The following DNER variants were observed in gnomAD, a reference collection of about 807,000 sequenced individuals.
The protein encoded by DNER is delta/notch like EGF repeat containing.
A neutral mutation model predicts 78.2 loss-of-function variants in DNER; 33 were observed. That is an observed-to-expected ratio of 0.42 (90% CI 0.32 to 0.56). The LOEUF is 0.56. Among genes scored for constraint, DNER ranks in the 20% least tolerant of loss-of-function variants. DNER has a pLI of 0.11. For synonymous variants in DNER, 417 were observed against 384.8 expected (o/e 1.08, Z -0.98); for missense variants, 918 against 975.3 (o/e 0.94, Z 0.78).
intron 4 of DNER, among the ~76,000 whole-genome samples, chr2:229,583,000 T>C (rs1697431052): frequency 6.6e-6 from 1 of 152,162 alleles, no homozygotes; most frequent in African/African-American, 2.4e-5. Context: ...CCAAAGATAA[T>C]TTTTTCCACA....
At chr2:229,566,444 C>G (rs1449283540) in intron 4 of DNER, among the ~76,000 whole-genome samples, 1 of 152,116 alleles carries the variant, frequency 6.6e-6, no homozygotes, top group Non-Finnish European at 1.5e-5. Context: ...ATAGAACTAA[C>G]CAATGTATTG....
chr2:229,462,694 G>A (rs554805126), intron 7 of DNER, among the ~76,000 whole-genome samples: 1 of 152,190 alleles, frequency 6.6e-6, no homozygotes, highest in South Asian at 2.1e-4. Flanking sequence ...TTCTTAAAAT[G>A]TTAATATTAT....
At chr2:229,632,693 G>A (rs911525375) in intron 1 of DNER, among the ~76,000 whole-genome samples, 3 of 152,120 alleles carry the variant, frequency 2.0e-5, no homozygotes, top group Non-Finnish European at 4.4e-5. Flanking sequence ...TGTTAACATA[G>A]GTAGTCCAGA....
intron 12 of DNER, among the ~76,000 whole-genome samples, chr2:229,362,214 A>C (rs887947489): frequency 6.6e-6 from 1 of 152,136 alleles, no homozygotes; most frequent in Non-Finnish European, 1.5e-5. Flanking sequence ...TCACTGATTG[A>C]TCATCTCATC....
chr2:229,368,056 G>GC (rs1354120985), intron 11 of DNER, among the ~76,000 whole-genome samples: 1 of 151,894 alleles, frequency 6.6e-6, no homozygotes. Context: ...TTTTCAGATA[G>GC]TTTTTTAAAA....
chr2:229,639,379 T>C (rs1465730233), intron 1 of DNER, among the ~76,000 whole-genome samples: 2 of 152,054 alleles, frequency 1.3e-5, no homozygotes, highest in East Asian at 3.9e-4. Flanking sequence ...CTCAGCCTCC[T>C]GAGTAGCTGG....
rs117337613 is a variant in DNER, at chr2:229,484,025, T to C, written c.1148-6772A>G. Among the ~76,000 whole-genome samples the C allele has an allele frequency of 1.3e-3, 196 of 151,958 alleles. 5 individuals carry two copies. The East Asian group carries it at 0.033, about 26-fold the overall frequency. ...TTGGTTTCCTTCCGAGAACATAAAC[T>C]CCCTGAGAATCAGGACTTTCTCTGC... On this transcript the variant is annotated intron_variant, in intron 6 of 12. Transcript: ENST00000341772.
chr2:229,684,161 A>AGTGTGTGTGT (rs1559208329), intron 1 of DNER, among the ~76,000 whole-genome samples: 1 of 135,250 alleles, frequency 7.4e-6, no homozygotes, highest in African/African-American at 2.9e-5. Context: ...AGAGAGAGAG[A>AGTGTGTGTGT]GAGAGAGAGT....
chr2:229,377,131 GTTTCATTAACC>G (rs1309691929), intron 11 of DNER, among the ~76,000 whole-genome samples: 2 of 152,088 alleles, frequency 1.3e-5, no homozygotes, highest in Admixed American at 6.5e-5. Flanking sequence ...GGCAGGGTAT[GTTTCATTAACC>G]TTTATATTCC....
intron 6 of DNER, among the ~76,000 whole-genome samples, chr2:229,484,451 G>T (rs569598861): frequency 2.6e-5 from 4 of 152,130 alleles, no homozygotes; most frequent in East Asian, 1.9e-4. Context: ...TCTGAACTTC[G>T]ATCTTGTTTC....
chr2:229,643,742 G>T (rs1698667806), intron 1 of DNER, among the ~76,000 whole-genome samples: 1 of 152,162 alleles, frequency 6.6e-6, no homozygotes. Flanking sequence ...GTTGACTTAT[G>T]TTATCACAAT....
chr2:229,455,341 C>T (rs1380383931), intron 7 of DNER, among the ~76,000 whole-genome samples: 1 of 152,086 alleles, frequency 6.6e-6, no homozygotes, highest in African/African-American at 2.4e-5. Flanking sequence ...GGTGTTGGCT[C>T]CTACCATGAA....
chr2:229,412,242 A>T (rs1693538857), intron 9 of DNER, among the ~76,000 whole-genome samples: 1 of 152,236 alleles, frequency 6.6e-6, no homozygotes, highest in East Asian at 1.9e-4. Flanking sequence ...GACGGGTTAC[A>T]CAGAGGTCCT....
At chr2:229,558,244 G>A (rs992171418) in intron 4 of DNER, among the ~76,000 whole-genome samples, 5 of 152,058 alleles carry the variant, frequency 3.3e-5, no homozygotes, top group Admixed American at 1.3e-4. Flanking sequence ...GAGGGTAGGA[G>A]GAGAGAGAGG....
chr2:229,602,448 C>T (rs1476899712), intron 1 of DNER, among the ~76,000 whole-genome samples: 2 of 152,094 alleles, frequency 1.3e-5, no homozygotes, highest in African/African-American at 4.8e-5. Flanking sequence ...TTTGCTAATA[C>T]CACTTCCATT....
chr2:229,595,921 T>C (rs999115725), intron 1 of DNER, among the ~76,000 whole-genome samples: 1 of 152,104 alleles, frequency 6.6e-6, no homozygotes, highest in African/African-American at 2.4e-5. Context: ...ATTCAGGGAG[T>C]ATGTGTGCAG....
intron 5 of DNER, among the ~76,000 whole-genome samples, chr2:229,538,934 T>C (rs1422052925): frequency 6.6e-6 from 1 of 152,212 alleles, no homozygotes; most frequent in Non-Finnish European, 1.5e-5. Context: ...TATCCCACTC[T>C]GCACCCCCTC....
rs868539529 is a variant in DNER, at chr2:229,495,553, C to T, written c.1147+17230G>A. Among the ~76,000 whole-genome samples the T allele has an allele frequency of 4.6e-5, 7 of 152,326 alleles. No homozygotes were observed. The South Asian group carries it at 1.4e-3, about 32-fold the overall frequency. On this transcript the variant is annotated intron_variant, in intron 6 of 12. Coordinates refer to ENST00000341772, the MANE Select transcript of DNER (RefSeq NM_139072.4). The stretch of plus-strand genomic sequence containing the variant: ...AAAAGACCAATGTCCCAGCTCAAGG[C>T]AGTCAGGCAGGAGGAATTCCCTCTT...
intron 12 of DNER, among the ~76,000 whole-genome samples, chr2:229,360,339 TTAAC>T (rs1264460181): frequency 2.0e-5 from 3 of 152,238 alleles, no homozygotes; most frequent in African/African-American, 7.2e-5. Flanking sequence ...ACAAATTATA[TTAAC>T]TAACTAATTA....
Sources: gnomAD v4.1 joint callset for allele counts (sites outside exome capture counted in the v4.1 genomes callset) on GRCh38, gnomAD v4.1.1 for gene constraint, MANE v1.5 for transcripts, NCBI Gene and HGNC (gene_info 2026-07-23, HGNC 2026-07-21) for gene names.